Variants in TRMT11 observed in about 807,000 individuals in gnomAD.
TRMT11 encodes tRNA (guanine(10)-N(2))-methyltransferase TRMT11.
A neutral mutation model predicts 62.8 loss-of-function variants in TRMT11; 53 were observed. The observed-to-expected ratio is 0.84, with a 90% CI of 0.68 to 1.06. The LOEUF (loss-of-function observed/expected upper bound fraction) is 1.06, where lower values mean the gene tolerates loss of function less well. TRMT11 is among the 50% of genes least tolerant of loss of function. The probability of loss-of-function intolerance (pLI) is 0.00; values close to 1 mark genes in which losing one functional copy is unlikely to be tolerated. For missense variants in TRMT11, 556 were observed against 553.4 expected (o/e 1.00, Z -0.05); for synonymous variants, 188 against 190.3 (o/e 0.99, Z 0.10).
At chr6:126,007,206 A>G (rs905874392) in intron 7 of TRMT11, among the ~76,000 whole-genome samples, 12 of 151,986 alleles carry the variant, frequency 7.9e-5, no homozygotes, top group Non-Finnish European at 1.6e-4. Context: ...CATGGGTTCT[A>G]AAAAGAACTA....
downstream of TRMT11, among the ~76,000 whole-genome samples, chr6:126,208,461 G>T (rs1300679403): frequency 6.6e-6 from 1 of 152,120 alleles, no homozygotes; most frequent in Non-Finnish European, 1.5e-5. Flanking sequence ...CTCAGTAAAA[G>T]AGATGGCTCT....
chr6:126,213,010 C>G, the TRMT11 span, among the ~76,000 whole-genome samples: 4 of 152,112 alleles, frequency 2.6e-5, no homozygotes, highest in Non-Finnish European at 5.9e-5. Flanking sequence ...TTTCCCAGCA[C>G]TACTTATTAA....
intron 2 of TRMT11, among the ~76,000 whole-genome samples, chr6:125,994,476 T>C (rs1472327385): frequency 6.6e-6 from 1 of 152,190 alleles, no homozygotes; most frequent in Non-Finnish European, 1.5e-5. Context: ...TAATTAACCA[T>C]TTCATTTTAT....
chr6:126,046,285 A>G (rs367700367), intron 16 of TRMT11, among the ~76,000 whole-genome samples: 2 of 152,220 alleles, frequency 1.3e-5, no homozygotes, highest in Admixed American at 6.5e-5. Context: ...ACACAAACCC[A>G]GTGGCTTCAG....
chr6:126,237,902 C>A, the TRMT11 span, among the ~76,000 whole-genome samples: 1,800 of 152,154 alleles, frequency 0.012, 39 homozygotes, highest in African/African-American at 0.041. Context: ...TGTTATTGGT[C>A]CATTCAGAGA....
At chr6:125,996,295 T>G (rs140759427) in intron 3 of TRMT11, among the ~76,000 whole-genome samples, 2 of 152,372 alleles carry the variant, frequency 1.3e-5, no homozygotes, top group East Asian at 3.9e-4. Flanking sequence ...GAGTATAGTA[T>G]GAGATATAAA....
chr6:126,027,304 A>G (rs1318531561), intron 12 of TRMT11, among the ~76,000 whole-genome samples: 6 of 152,200 alleles, frequency 3.9e-5, no homozygotes, highest in Non-Finnish European at 8.8e-5. Flanking sequence ...ACCTGAAGCA[A>G]TTCTCTCTCA....
intron 17 of TRMT11, among the ~76,000 whole-genome samples, chr6:126,085,166 C>T (rs1487817200): frequency 6.6e-6 from 1 of 152,054 alleles, no homozygotes; most frequent in African/African-American, 2.4e-5. Flanking sequence ...CCAGTGTACA[C>T]AAATATCAAA....
At chr6:126,122,096 C>T (rs897391287) in intron 21 of TRMT11, among the ~76,000 whole-genome samples, 35 of 152,052 alleles carry the variant, frequency 2.3e-4, no homozygotes, top group Non-Finnish European at 2.8e-4. Context: ...TATAAAGGGG[C>T]GTTCCCCTGC....
intron 12 of TRMT11, among the ~76,000 whole-genome samples, chr6:126,030,895 T>C (rs1189301083): frequency 6.6e-6 from 1 of 152,200 alleles, no homozygotes; most frequent in Non-Finnish European, 1.5e-5. Flanking sequence ...CATTGTTAGA[T>C]ATTTTCACTG....
chr6:126,116,654 A>G (rs993817043), intron 21 of TRMT11, among the ~76,000 whole-genome samples: 2 of 152,114 alleles, frequency 1.3e-5, no homozygotes. Context: ...TCATTAAGAC[A>G]GCCATTTAGG....
At chr6:126,166,810 C>A (rs2128232828) in intron 21 of TRMT11, among the ~76,000 whole-genome samples, 1 of 152,280 alleles carries the variant, frequency 6.6e-6, no homozygotes, top group South Asian at 2.1e-4. Flanking sequence ...ATGGCCTGCC[C>A]AGAGAGGAGG....
intron 1 of TRMT11, among the ~76,000 whole-genome samples, chr6:126,183,219 A>T (rs748612558): frequency 6.6e-6 from 1 of 152,160 alleles, no homozygotes. Flanking sequence ...TTGTGGTCAA[A>T]ACATTAACAG....
chr6:126,196,478 T>C (rs1233747086), intron 1 of TRMT11, among the ~76,000 whole-genome samples: 5 of 152,048 alleles, frequency 3.3e-5, no homozygotes, highest in Non-Finnish European at 7.4e-5. Flanking sequence ...AATAAAAATT[T>C]TCTTTTTATT....
At chr6:126,136,532 G>A (rs1777851980) in intron 21 of TRMT11, among the ~76,000 whole-genome samples, 2 of 151,618 alleles carry the variant, frequency 1.3e-5, no homozygotes, top group Non-Finnish European at 1.5e-5. Context: ...AATATCCCAT[G>A]CCATGGATGA....
chr6:126,043,709 G>A (rs1375267826), downstream of TRMT11, among the ~76,000 whole-genome samples: 2 of 151,524 alleles, frequency 1.3e-5, no homozygotes, highest in African/African-American at 4.8e-5. Context: ...ATCCTCTCCA[G>A]CACCTGTTGT....
intron 17 of TRMT11, among the ~76,000 whole-genome samples, chr6:126,076,108 G>C (rs6932457): frequency 1.3e-5 from 2 of 152,072 alleles, no homozygotes; most frequent in Admixed American, 6.6e-5. Context: ...AGTAGGTTGT[G>C]GGGGGTTGGG....
At chr6:126,097,299 C>T (rs1331863965) in intron 17 of TRMT11, among the ~76,000 whole-genome samples, 1 of 152,112 alleles carries the variant, frequency 6.6e-6, no homozygotes, top group Non-Finnish European at 1.5e-5. Context: ...TGGAGACCTA[C>T]TAACTGCTAA....
rs190778797 is a variant in TRMT11, at chr6:126,059,700, A to G, written c.*1437+6510A>G. On this transcript the variant is annotated intron_variant and NMD_transcript_variant, in intron 17 of 22. Transcript: ENST00000648977. ...CTTGAGGTGTTTAATAGTGAGTAATATGGAGGTGGGATTTGAACCTATATC... is the reference window on the plus strand; with the variant it reads ...CTTGAGGTGTTTAATAGTGAGTAATGTGGAGGTGGGATTTGAACCTATATC... Among the ~76,000 whole-genome samples, 11 of 152,320 alleles carry G rather than the reference A, an allele frequency of 7.2e-5. No homozygotes were observed. In the East Asian group the frequency reaches 1.9e-3, roughly 27 times the overall value.
Sources: gnomAD v4.1 joint callset for allele counts (sites outside exome capture counted in the v4.1 genomes callset) on GRCh38, gnomAD v4.1.1 for gene constraint, MANE v1.5 for transcripts, NCBI Gene and HGNC (gene_info 2026-07-23, HGNC 2026-07-21) for gene names.